TBX19: variants seen among roughly 807,000 people sequenced by gnomAD.
TBX19 encodes the protein T-box transcription factor 19.
A neutral mutation model predicts 40.9 loss-of-function variants in TBX19; 33 were observed. That is an observed-to-expected ratio of 0.81 (90% CI 0.61 to 1.08). The LOEUF (loss-of-function observed/expected upper bound fraction) is 1.08. Ranked by LOEUF, TBX19 falls within the 50% of genes least tolerant of loss-of-function variation. TBX19 has a pLI of 0.00. For synonymous variants in TBX19, 220 were observed against 225.0 expected, an observed-to-expected ratio of 0.98 and a Z score of 0.20; for missense variants, 494 against 574.0, an observed-to-expected ratio of 0.86 and a Z score of 1.42.
intron 7 of TBX19, among the ~76,000 whole-genome samples, chr1:168,309,350 G>A (rs937452657): frequency 6.6e-6 from 1 of 152,164 alleles, no homozygotes; most frequent in Non-Finnish European, 1.5e-5. Flanking sequence ...TCCAGCTTGG[G>A]CAACAAGAGT....
At position 168,313,115 on chromosome 1, in the gene TBX19, G is replaced by A; in HGVS notation, c.*113G>A. Reference sequence around the variant, plus strand: ...GTGGAATCTCCCTTCCCACTAGCTGGAGGTGGAGGTGGGTTATTACAGAAG... The same window carrying A: ...GTGGAATCTCCCTTCCCACTAGCTGAAGGTGGAGGTGGGTTATTACAGAAG... On this transcript the variant is annotated 3_prime_UTR_variant, in exon 8 of 8. Transcript: ENST00000367821. 7.6e-7 allele frequency: 1 copy of A among 1,322,856 alleles called. No individual in the cohort carries two copies. The highest frequency in any genetic ancestry group is 1.2e-5 in the South Asian group (1 of 80,324). 81.9% of individuals were successfully genotyped at this position (1,322,856 alleles called of 1,614,324 possible).
intron 1 of TBX19, among the ~76,000 whole-genome samples, chr1:168,287,088 C>T (rs760411156): frequency 6.6e-6 from 1 of 152,122 alleles, no homozygotes; most frequent in African/African-American, 2.4e-5. Context: ...TATTCTGGAA[C>T]GAAAAGTCAT....
intron 1 of TBX19, among the ~76,000 whole-genome samples, chr1:168,282,839 T>C (rs1648696630): frequency 6.6e-6 from 1 of 152,230 alleles, no homozygotes; most frequent in African/African-American, 2.4e-5. Context: ...GGCTGTCAAA[T>C]TGGCCATTTA....
chr1:168,293,067 G>A, intron 2 of TBX19, 77 bp from the exon 3 acceptor site: 1 of 1,598,886 alleles, frequency 6.3e-7, no homozygotes, highest in Non-Finnish European at 8.5e-7. Context: ...GGGACCAACT[G>A]GAGATGCTGG....
chr1:168,290,313 A>T (rs1156365851), intron 1 of TBX19, among the ~76,000 whole-genome samples: 1 of 152,242 alleles, frequency 6.6e-6, no homozygotes, highest in Non-Finnish European at 1.5e-5. Flanking sequence ...AGAAGGATCG[A>T]TGAATCTAGA....
intron 4 of TBX19, among the ~76,000 whole-genome samples, chr1:168,297,997 C>A (rs1186265101): frequency 6.6e-6 from 1 of 152,078 alleles, no homozygotes; most frequent in Non-Finnish European, 1.5e-5. Context: ...GAGATCGAGA[C>A]CATCCTGGCT....
chr1:168,292,473 CAA>C (rs1648963592), intron 2 of TBX19, among the ~76,000 whole-genome samples: 1 of 152,038 alleles, frequency 6.6e-6, no homozygotes, highest in Admixed American at 6.5e-5. Context: ...AAAAGGCAAA[CAA>C]TATATTTTGA....
Position 168,313,068 on chromosome 1 carries a change from A to G in TBX19, c.*66A>G. 6.3e-7 allele frequency: 1 copy of G among 1,588,386 alleles called. No individual in the cohort carries two copies. ...GTGTAGAGTGCTTAGAAACCCCATC[A>G]ACTGATCTAGTGAGTCAGACTGTGG... On this transcript the variant is annotated 3_prime_UTR_variant, in exon 8 of 8. Transcript: ENST00000367821.
chr1:168,304,984 G>A, intron 5 of TBX19, 24 bp from the exon 6 acceptor site: 4 of 1,612,190 alleles, frequency 2.5e-6, no homozygotes, highest in Non-Finnish European at 3.4e-6. Context: ...CTCAGTCTTG[G>A]TGTATTCCTC....
Position 168,281,190 on chromosome 1 carries a change from G to A in TBX19, c.100G>A (p.Gly34Ser). 6.2e-7 allele frequency: 1 copy of A among 1,614,176 alleles called. No individual in the cohort carries two copies. Among genetic ancestry groups the A allele is most frequent in the South Asian group, 1.1e-5 (1 of 91,088 alleles). The change falls in exon 1 of 8, where the codon GGC becomes AGC. Residue 34 changes from glycine to serine, a missense_variant. Around this residue, in one of 3 missense-constraint regions of TBX19, gnomAD observed 201 missense variants for 235.2 expected, o/e 0.85. Coordinates refer to ENST00000367821, the MANE Select transcript of TBX19 (RefSeq NM_005149.3). ...TGAGCTTCAGGCAGGGAGGGAAAAAGGCGACCCTACGGAGAAGCAACTTCA... is the reference window on the plus strand; with the variant it reads ...TGAGCTTCAGGCAGGGAGGGAAAAAAGCGACCCTACGGAGAAGCAACTTCA... ...ESELQAGREK[G>S]DPTEKQLQII...
At chr1:168,291,125 C>A (rs746399246) in intron 1 of TBX19, 35 bp from the exon 2 acceptor site, 1 of 1,613,480 alleles carries the variant, frequency 6.2e-7, no homozygotes, top group South Asian at 1.1e-5. Flanking sequence ...CCTCTAACGT[C>A]CCTCCTGTGG....
At chr1:168,282,242 C>T (rs982955110) in intron 1 of TBX19, among the ~76,000 whole-genome samples, 1 of 152,050 alleles carries the variant, frequency 6.6e-6, no homozygotes, top group Non-Finnish European at 1.5e-5. Flanking sequence ...AGAGAAGAGC[C>T]GAGGCCATCT....
intron 3 of TBX19, among the ~76,000 whole-genome samples, chr1:168,293,892 T>C (rs1011327138): frequency 5.3e-5 from 8 of 152,168 alleles, no homozygotes; most frequent in African/African-American, 1.4e-4. Flanking sequence ...TGAATTCTTT[T>C]TGATTAAACT....
chr1:168,287,403 C>G (rs1178448319), intron 1 of TBX19, among the ~76,000 whole-genome samples: 3 of 152,164 alleles, frequency 2.0e-5, no homozygotes, highest in Non-Finnish European at 4.4e-5. Flanking sequence ...GCTTCTCATC[C>G]TTTAGTCTCC....
At position 168,281,177 on chromosome 1, in the gene TBX19, A is replaced by G. The variant is rs768136578; in HGVS notation, c.87A>G (p.Ala29=). 1.2e-6 allele frequency: 2 copies of G among 1,614,146 alleles called. No individual in the cohort carries two copies. Among genetic ancestry groups the G allele is most frequent in the East Asian group, 4.5e-5 (2 of 44,884 alleles). ...LLNVVESELQ[A]GREKGDPTEK... ...ATGTGGTGGAGAGTGAGCTTCAGGC[A>G]GGGAGGGAAAAAGGCGACCCTACGG... The change falls in exon 1 of 8, where the codon GCA becomes GCG. Residue 29 remains alanine, a synonymous_variant. Transcript: ENST00000367821.
At chr1:168,301,824 G>C (rs1036720379) in intron 5 of TBX19, among the ~76,000 whole-genome samples, 1 of 152,190 alleles carries the variant, frequency 6.6e-6, no homozygotes, top group Non-Finnish European at 1.5e-5. Context: ...TTCCAGGAAC[G>C]TGAAGATAAT....
chr1:168,302,799 A>T (rs1353798837), intron 5 of TBX19, among the ~76,000 whole-genome samples: 1 of 152,082 alleles, frequency 6.6e-6, no homozygotes, highest in Admixed American at 6.5e-5. Context: ...AGGCATCATG[A>T]TATCTCTTGC....
At position 168,300,211 on chromosome 1, in the gene TBX19, A is replaced by G. The variant is rs559522005; in HGVS notation, c.666-211A>G. On this transcript the variant is annotated intron_variant, in intron 4 of 7. Coordinates refer to ENST00000367821, the MANE Select transcript of TBX19 (RefSeq NM_005149.3). ...CTGTAAATGTGGTAAAGAGGGGTAA[A>G]CAGTAAAACTGCAACTCCAAGAGCA... Among the ~76,000 whole-genome samples, 9 of 152,194 alleles carry G rather than the reference A, an allele frequency of 5.9e-5. No homozygotes were observed. The South Asian group carries it at 1.0e-3, about 18-fold the overall frequency.
At position 168,281,053 on chromosome 1, in the gene TBX19, G is replaced by T. The variant is rs757045023; in HGVS notation, c.-38G>T. Reference sequence around the variant, plus strand: ...GAAGGAAGAAGCTAGAAGCAGGCAAGTTGGGTAACGGCTCTCGGCAAAGTT... The same window carrying T: ...GAAGGAAGAAGCTAGAAGCAGGCAATTTGGGTAACGGCTCTCGGCAAAGTT... On this transcript the variant is annotated 5_prime_UTR_variant, in exon 1 of 8. Coordinates refer to ENST00000367821, the MANE Select transcript of TBX19 (RefSeq NM_005149.3). The T allele has an allele frequency of 8.1e-6, 13 of 1,606,670 alleles. No homozygotes were observed. Among genetic ancestry groups the T allele is most frequent in the Non-Finnish European group, 1.0e-5 (12 of 1,173,876 alleles).
Sources: gnomAD v4.1 joint callset for allele counts (sites outside exome capture counted in the v4.1 genomes callset) on GRCh38, gnomAD v4.1.1 for gene constraint, gnomAD v4.1.1 regional missense constraint, MANE v1.5 for transcripts, NCBI Gene and HGNC (gene_info 2026-07-23, HGNC 2026-07-21) for gene names.